Variants in ASCC1 observed in about 807,000 individuals in gnomAD.
ASCC1 encodes activating signal cointegrator 1 complex subunit 1.
ASCC1 carries 35 observed loss-of-function variants against 46.6 expected under a neutral mutation model. The ratio of observed to expected loss-of-function variants is 0.75; its 90% CI spans 0.57 to 0.99. The LOEUF (loss-of-function observed/expected upper bound fraction) is 0.99, where lower values mean the gene tolerates loss of function less well. ASCC1 is among the 50% of genes least tolerant of loss of function. The pLI, the probability that ASCC1 is intolerant of heterozygous loss-of-function variation, is 0.00. For missense variants in ASCC1, 376 were observed against 428.7 expected (o/e 0.88, Z 1.09); for synonymous variants, 143 against 146.6 (o/e 0.98, Z 0.18).
chr10:72,198,015 A>AAAGGG lies in ASCC1; in HGVS notation c.311-1031_311-1027dup, dbSNP rs1219071897. 1.7e-4 allele frequency among the ~76,000 whole-genome samples: 9 copies of AAAGGG among 51,536 alleles called. No individual in the cohort carries two copies. The East Asian group carries it at 4.0e-3, about 23-fold the overall frequency. The allele number at this position is 51,536 out of a possible 152,430, so 33.8% of individuals were successfully genotyped here. ...AAAATAAGTAAAAACCGAGAAAGAA[A>AAAGGG]AAGGGAAGGGAAGGGAAGGGAAGGG... On this transcript the variant is annotated intron_variant, in intron 4 of 9. Coordinates refer to ENST00000672957, the MANE Select transcript of ASCC1 (RefSeq NM_001198800.3).
At chr10:72,123,910 T>G (rs1844527687) in intron 9 of ASCC1, among the ~76,000 whole-genome samples, 1 of 152,238 alleles carries the variant, frequency 6.6e-6, no homozygotes, top group South Asian at 2.1e-4. Context: ...GTACGTCTCA[T>G]GTACATATAT....
intron 7 of ASCC1, among the ~76,000 whole-genome samples, chr10:72,145,251 C>T (rs1414367667): frequency 6.6e-6 from 1 of 152,118 alleles, no homozygotes; most frequent in African/African-American, 2.4e-5. Context: ...ATGTGGATTT[C>T]TTTTTATGTA....
intron 5 of ASCC1, among the ~76,000 whole-genome samples, chr10:72,192,685 G>A (rs1459329593): frequency 1.3e-5 from 2 of 152,064 alleles, no homozygotes; most frequent in Admixed American, 6.6e-5. Context: ...GTAGAGATCG[G>A]ATTTCACCCT....
chr10:72,172,829 TATATTTTTATATTATATATA>T (rs1851347375), intron 5 of ASCC1, among the ~76,000 whole-genome samples: 1 of 133,710 alleles, frequency 7.5e-6, no homozygotes, highest in Non-Finnish European at 1.6e-5. Context: ...ATATATATTT[TATATTTTTATATTATATATA>T]ATATTTTTAT....
intron 3 of ASCC1, 120 bp downstream of exon 3, chr10:72,210,612 A>G: frequency 1.3e-6 from 1 of 777,074 alleles, no homozygotes; most frequent in East Asian, 2.7e-5. Context: ...AGGACATAAC[A>G]CTACACTATT....
At chr10:72,102,802 C>T (rs1229081175) in intron 9 of ASCC1, 10 of 347,436 alleles carry the variant, frequency 2.9e-5, no homozygotes, top group Non-Finnish European at 5.1e-5. Context: ...TGGTGAAACC[C>T]CATCTCTACT....
intron 5 of ASCC1, among the ~76,000 whole-genome samples, chr10:72,180,435 T>C (rs1020336119): frequency 1.3e-5 from 2 of 151,956 alleles, no homozygotes; most frequent in African/African-American, 4.8e-5. Flanking sequence ...GGACCAGTCT[T>C]ACAAATATGG....
chr10:72,216,514 ATTTGG>A (rs1342731823), upstream of ASCC1, among the ~76,000 whole-genome samples: 1 of 111,524 alleles, frequency 9.0e-6, no homozygotes, highest in Non-Finnish European at 1.8e-5. Context: ...TGCGGCATCT[ATTTGG>A]TTTGGGTTGT....
intron 9 of ASCC1, among the ~76,000 whole-genome samples, chr10:72,100,762 T>C (rs2131885881): frequency 6.6e-6 from 1 of 152,204 alleles, no homozygotes; most frequent in Non-Finnish European, 1.5e-5. Context: ...ATATAAGCCC[T>C]ACAGAGGAAG....
rs1841197876 is a variant in ASCC1 at position 72,097,312 on chromosome 10, C to T, written c.*22G>A. ...AGCACCTGGTGAAGATGTTTAGTTT[C>T]TAGTGCTTTCCAAGATCCACCTCAG... On this transcript the variant is annotated 3_prime_UTR_variant, in exon 10 of 10. Coordinates refer to ENST00000672957, the MANE Select transcript of ASCC1 (RefSeq NM_001198800.3). The T allele has an allele frequency of 2.0e-6, 3 of 1,491,032 alleles. No homozygotes were observed. The highest frequency in any genetic ancestry group is 2.8e-5 in the African/African-American group (2 of 72,324). The allele number at this position is 1,491,032 out of a possible 1,614,324, so 92.4% of individuals were successfully genotyped here.
intron 1 of ASCC1, 97 bp from the exon 2 acceptor site, chr10:72,213,428 T>C: frequency 1.4e-6 from 1 of 701,118 alleles, no homozygotes; most frequent in Non-Finnish European, 2.6e-6. Flanking sequence ...TGGGCATCAG[T>C]TCACAGTATC....
chr10:72,172,928 A>T (rs1299835262), intron 5 of ASCC1, among the ~76,000 whole-genome samples: 2 of 133,966 alleles, frequency 1.5e-5, no homozygotes, highest in African/African-American at 5.5e-5. Context: ...ATTATATATT[A>T]TATATTTTAT....
upstream of ASCC1, chr10:72,217,004 C>T (rs1299011770): frequency 2.2e-6 from 1 of 455,080 alleles, no homozygotes. Flanking sequence ...CTATCTCCTG[C>T]ATGACCTTTG....
intron 8 of ASCC1, among the ~76,000 whole-genome samples, chr10:72,128,478 T>G (rs1010794231): frequency 2.0e-5 from 3 of 152,238 alleles, no homozygotes; most frequent in African/African-American, 7.2e-5. Context: ...TGGACCTTAG[T>G]TCCTCATTGA....
At chr10:72,107,665 T>C (rs1308591601) in intron 9 of ASCC1, among the ~76,000 whole-genome samples, 1 of 152,196 alleles carries the variant, frequency 6.6e-6, no homozygotes, top group African/African-American at 2.4e-5. Context: ...TACAAAAAAA[T>C]TGATATTTCT....
intron 4 of ASCC1, chr10:72,198,522 G>A (rs1855986766): frequency 2.2e-6 from 1 of 455,576 alleles, no homozygotes. Flanking sequence ...AGACAGCCTA[G>A]GCAATTTACT....
intron 5 of ASCC1, among the ~76,000 whole-genome samples, chr10:72,185,615 C>T (rs781031681): frequency 9.2e-5 from 14 of 152,044 alleles, no homozygotes; most frequent in Admixed American, 2.0e-4. Flanking sequence ...AATAGCAACA[C>T]AAAATAGATT....
At chr10:72,128,197 G>A (rs1413359769) in intron 8 of ASCC1, 30 bp from the exon 9 acceptor site, 2 of 1,579,858 alleles carry the variant, frequency 1.3e-6, no homozygotes, top group East Asian at 4.5e-5. Context: ...AATGTTAGAA[G>A]CTTAGATTGA....
intron 9 of ASCC1, among the ~76,000 whole-genome samples, chr10:72,116,654 C>T (rs1843525828): frequency 6.6e-6 from 1 of 152,206 alleles, no homozygotes; most frequent in Non-Finnish European, 1.5e-5. Context: ...CCCTCTTCAG[C>T]TATGTCTAAT....
Sources: gnomAD v4.1 joint callset for allele counts (sites outside exome capture counted in the v4.1 genomes callset) on GRCh38, gnomAD v4.1.1 for gene constraint, MANE v1.5 for transcripts, NCBI Gene and HGNC (gene_info 2026-07-23, HGNC 2026-07-21) for gene names.